The following TM9SF2 variants were observed in gnomAD, a reference collection of about 807,000 sequenced individuals.
The protein encoded by TM9SF2 is 76 kDa membrane protein.
Under a neutral mutation model 84.9 loss-of-function variants are expected in TM9SF2, and 13 were observed. That is an observed-to-expected ratio of 0.15 (90% CI 0.10 to 0.24). The LOEUF is 0.24. Among genes scored for constraint, TM9SF2 ranks in the 10% least tolerant of loss-of-function variants. TM9SF2 has a pLI of 1.00. For missense variants in TM9SF2, 562 were observed against 818.5 expected (o/e 0.69, Z 3.82); for synonymous variants, 273 against 285.8 (o/e 0.96, Z 0.45).
In TM9SF2 at chr13:99,517,643, T is replaced by G. The variant is rs1187611981; in HGVS notation, c.201T>G (p.Leu67=). Residue 67 remains leucine (L), a synonymous_variant, in exon 2 of 17, where the codon CTT becomes CTG. Transcript: ENST00000376387. ...AAATAGAACTATTTGTGAACAGACTTGATTCAGTGGAATCAGTTCTTCCTT... is the reference window on the plus strand; with the variant it reads ...AAATAGAACTATTTGTGAACAGACTGGATTCAGTGGAATCAGTTCTTCCTT... ...KAEIELFVNR[L]DSVESVLPYE... 2 of 1,589,698 alleles carry G rather than the reference T, an allele frequency of 1.3e-6. No homozygotes were observed. The highest frequency in any genetic ancestry group is 3.3e-4 in the Middle Eastern group (2 of 6,004).
At chr13:99,525,668 G>C (rs2046179724) in intron 3 of TM9SF2, among the ~76,000 whole-genome samples, 1 of 149,828 alleles carries the variant, frequency 6.7e-6, no homozygotes, top group Non-Finnish European at 1.5e-5. Flanking sequence ...CCATTCTCCT[G>C]CCTCAGCCTC....
chr13:99,503,059 T>C (rs1049439667), intron 1 of TM9SF2, among the ~76,000 whole-genome samples: 17 of 152,360 alleles, frequency 1.1e-4, no homozygotes, highest in Admixed American at 2.6e-4. Flanking sequence ...AAGTTCATAC[T>C]CTGCAGTGCA....
At chr13:99,562,540 A>T (rs949275342) in intron 16 of TM9SF2, 151 bp from the exon 17 acceptor site, 2 of 601,928 alleles carry the variant, frequency 3.3e-6, no homozygotes, top group African/African-American at 1.9e-5. Flanking sequence ...TATTTTTCAG[A>T]CGTGCTCATA....
intron 11 of TM9SF2, among the ~76,000 whole-genome samples, chr13:99,547,937 G>A (rs1320140166): frequency 1.3e-5 from 2 of 152,208 alleles, no homozygotes; most frequent in Non-Finnish European, 2.9e-5. Context: ...GTCAGACACA[G>A]TTCTCTCTTG....
chr13:99,534,998 A>G (rs1594054385), intron 4 of TM9SF2, among the ~76,000 whole-genome samples: 1 of 152,074 alleles, frequency 6.6e-6, no homozygotes, highest in Admixed American at 6.5e-5. Flanking sequence ...AAAAATATTT[A>G]AAAATTAGCC....
intron 3 of TM9SF2, among the ~76,000 whole-genome samples, chr13:99,527,904 G>T (rs546994268): frequency 6.6e-6 from 1 of 152,302 alleles, no homozygotes; most frequent in South Asian, 2.1e-4. Flanking sequence ...GCAGGGTTAC[G>T]CAGCTTTCCC....
chr13:99,555,036 A>G (rs1322440873), intron 14 of TM9SF2, among the ~76,000 whole-genome samples: 4 of 152,204 alleles, frequency 2.6e-5, no homozygotes, highest in African/African-American at 7.2e-5. Context: ...GTGTTATATC[A>G]TGATTGTTAT....
chr13:99,514,890 T>C (rs2046127679), intron 1 of TM9SF2, among the ~76,000 whole-genome samples: 1 of 152,224 alleles, frequency 6.6e-6, no homozygotes, highest in South Asian at 2.1e-4. Flanking sequence ...GTGCTGCTCT[T>C]GAATCTTCTC....
At chr13:99,505,375 A>G (rs1303732133) in intron 1 of TM9SF2, among the ~76,000 whole-genome samples, 1 of 151,324 alleles carries the variant, frequency 6.6e-6, no homozygotes, top group East Asian at 1.9e-4. Flanking sequence ...CTTGTCTCGA[A>G]CTCCTGAGCT....
chr13:99,562,624 C>G, intron 16 of TM9SF2, 67 bp from the exon 17 acceptor site: 1 of 1,480,316 alleles, frequency 6.8e-7, no homozygotes, highest in Non-Finnish European at 9.3e-7. Context: ...CATTGTAAGT[C>G]TGTATTTTTG....
intron 1 of TM9SF2, among the ~76,000 whole-genome samples, chr13:99,503,730 AAAG>A (rs1342494132): frequency 9.3e-4 from 135 of 145,018 alleles, no homozygotes; most frequent in African/African-American, 2.7e-3. Context: ...AAAAAAAAAA[AAAG>A]AAGAAGAAGT....
intron 11 of TM9SF2, among the ~76,000 whole-genome samples, chr13:99,547,814 C>T (rs554604449): frequency 6.6e-6 from 1 of 152,244 alleles, no homozygotes; most frequent in East Asian, 1.9e-4. Flanking sequence ...AGTGATTCCC[C>T]ACGGTCTAGC....
rs772303823 is a variant in TM9SF2, at chr13:99,501,789, C to T, written c.171+12C>T. 8.1e-6 allele frequency: 13 copies of T among 1,604,702 alleles called. No individual in the cohort carries two copies. Among genetic ancestry groups the T allele is most frequent in the Non-Finnish European group, 1.0e-5 (12 of 1,178,026 alleles). On this transcript the variant is annotated intron_variant, in intron 1 of 16. Transcript: ENST00000376387. ...GCGACGAGTGCAAGGTGGGTGAGGC[C>T]TGACGAGCCCTCTGATGCACTGTTG...
intron 1 of TM9SF2, among the ~76,000 whole-genome samples, chr13:99,504,967 A>C (rs2046082473): frequency 6.6e-6 from 1 of 152,200 alleles, no homozygotes; most frequent in Non-Finnish European, 1.5e-5. Flanking sequence ...AGCAGTAATT[A>C]TTTGCATATC....
chr13:99,552,411 T>A (rs1308923771), intron 13 of TM9SF2, 85 bp downstream of exon 13: 3 of 1,311,284 alleles, frequency 2.3e-6, no homozygotes, highest in Non-Finnish European at 3.2e-6. Flanking sequence ...CATAAAAGTG[T>A]GTAAAGATGT....
chr13:99,502,124 C>A (rs534955962), intron 1 of TM9SF2, among the ~76,000 whole-genome samples: 1 of 152,198 alleles, frequency 6.6e-6, no homozygotes, highest in Non-Finnish European at 1.5e-5. Flanking sequence ...TATGCAGGTC[C>A]ACGCGTGAGT....
At chr13:99,513,324 T>C (rs1477954569) in intron 1 of TM9SF2, among the ~76,000 whole-genome samples, 1 of 152,144 alleles carries the variant, frequency 6.6e-6, no homozygotes, top group African/African-American at 2.4e-5. Flanking sequence ...ATCAAGGAGA[T>C]AGGTGATTCA....
At chr13:99,554,476 T>G in intron 14 of TM9SF2, 21 bp downstream of exon 14, 2 of 1,608,056 alleles carry the variant, frequency 1.2e-6, no homozygotes, top group Non-Finnish European at 1.7e-6. Flanking sequence ...GATAAAGTCC[T>G]CTCATTCTCA....
chr13:99,545,644 G>A (rs765513724), intron 10 of TM9SF2, among the ~76,000 whole-genome samples: 1 of 151,726 alleles, frequency 6.6e-6, no homozygotes, highest in Non-Finnish European at 1.5e-5. Flanking sequence ...TTGGCTTACT[G>A]AAACCTCCAC....
Sources: allele counts gnomAD v4.1 joint callset (sites outside exome capture counted in the v4.1 genomes callset), GRCh38; gene constraint gnomAD v4.1.1; transcripts MANE v1.5; gene names NCBI Gene and HGNC (gene_info 2026-07-23, HGNC 2026-07-21).